Variants in CXCL13 observed in about 807,000 individuals in gnomAD.
CXCL13 encodes the protein C-X-C motif chemokine 13.
CXCL13 carries 7 observed loss-of-function variants against 12.2 expected under a neutral mutation model. The observed-to-expected ratio is 0.57, with a 90% CI of 0.33 to 1.07. The LOEUF is 1.07. Ranked by LOEUF, CXCL13 falls within the 50% of genes least tolerant of loss-of-function variation. The probability of loss-of-function intolerance (pLI) is 0.04; values close to 1 mark genes in which losing one functional copy is unlikely to be tolerated. For synonymous variants in CXCL13, 47 were observed against 42.4 expected, an observed-to-expected ratio of 1.11 and a Z score of -0.42; for missense variants, 113 against 127.4, an observed-to-expected ratio of 0.89 and a Z score of 0.55.
At chr4:77,563,106 G>T (rs1274207001) in intron 1 of CXCL13, among the ~76,000 whole-genome samples, 1 of 152,158 alleles carries the variant, frequency 6.6e-6, no homozygotes, top group Admixed American at 6.5e-5. Context: ...CCTGAGGCCA[G>T]TGAGACTAGA....
chr4:77,525,320 T>C (rs899864090), intron 1 of CXCL13, among the ~76,000 whole-genome samples: 4 of 152,234 alleles, frequency 2.6e-5, no homozygotes, highest in Non-Finnish European at 5.9e-5. Context: ...TAATTCTTTA[T>C]GTTTCCAGAA....
intron 1 of CXCL13, among the ~76,000 whole-genome samples, chr4:77,572,820 G>A (rs1726120168): frequency 1.3e-5 from 2 of 151,862 alleles, no homozygotes; most frequent in Non-Finnish European, 2.9e-5. Flanking sequence ...AATAGCAAAG[G>A]TAGGGAATCA....
chr4:77,575,147 G>A (rs979970387), intron 1 of CXCL13, among the ~76,000 whole-genome samples: 1 of 151,780 alleles, frequency 6.6e-6, no homozygotes, highest in Non-Finnish European at 1.5e-5. Flanking sequence ...TACTCTTAAG[G>A]CACTAATCAG....
At chr4:77,531,121 T>TATC (rs1724905448) in intron 1 of CXCL13, among the ~76,000 whole-genome samples, 1 of 148,386 alleles carries the variant, frequency 6.7e-6, no homozygotes, top group Non-Finnish European at 1.5e-5. Flanking sequence ...TTATTATTAT[T>TATC]ATTATTATTA....
intron 1 of CXCL13, among the ~76,000 whole-genome samples, chr4:77,521,632 G>T (rs1209422011): frequency 1.3e-5 from 2 of 151,582 alleles, no homozygotes; most frequent in Non-Finnish European, 2.9e-5. Flanking sequence ...CTTGCTAGTG[G>T]TTTCTCAATT....
chr4:77,563,600 C>A (rs1271634492), intron 1 of CXCL13, among the ~76,000 whole-genome samples: 2 of 152,104 alleles, frequency 1.3e-5, no homozygotes, highest in Non-Finnish European at 2.9e-5. Context: ...GAAAAGTGAA[C>A]AATTAACTTC....
intron 1 of CXCL13, among the ~76,000 whole-genome samples, chr4:77,557,634 A>G (rs1392614660): frequency 6.6e-6 from 1 of 152,184 alleles, no homozygotes; most frequent in Non-Finnish European, 1.5e-5. Flanking sequence ...GCTTCTGATG[A>G]GTAAGAACCA....
At chr4:77,609,763 T>G (rs1196276369) in intron 2 of CXCL13, among the ~76,000 whole-genome samples, 1 of 152,240 alleles carries the variant, frequency 6.6e-6, no homozygotes, top group Non-Finnish European at 1.5e-5. Context: ...TATCTGGCAC[T>G]TGGTAATCAC....
intron 1 of CXCL13, among the ~76,000 whole-genome samples, chr4:77,590,127 G>A (rs763609419): frequency 6.6e-6 from 1 of 152,118 alleles, no homozygotes; most frequent in Non-Finnish European, 1.5e-5. Flanking sequence ...TTTGTACTGC[G>A]TGGCTCCGGG....
At chr4:77,527,986 G>A (rs1456422925) in intron 1 of CXCL13, among the ~76,000 whole-genome samples, 4 of 151,780 alleles carry the variant, frequency 2.6e-5, no homozygotes, top group Non-Finnish European at 5.9e-5. Context: ...GTGTCCATGT[G>A]TTCTCATTGT....
chr4:77,556,238 G>A (rs1263313512), intron 1 of CXCL13, among the ~76,000 whole-genome samples: 6 of 152,160 alleles, frequency 3.9e-5, no homozygotes, highest in Non-Finnish European at 7.4e-5. Context: ...ACAAATTGTG[G>A]TATATCATTA....
intron 1 of CXCL13, among the ~76,000 whole-genome samples, chr4:77,565,213 A>T (rs1005248297): frequency 6.6e-6 from 1 of 152,224 alleles, no homozygotes; most frequent in African/African-American, 2.4e-5. Context: ...CAAAAAGAAG[A>T]TGAGGTTCTA....
At chr4:77,547,613 G>C (rs1725400907) in intron 1 of CXCL13, among the ~76,000 whole-genome samples, 1 of 151,442 alleles carries the variant, frequency 6.6e-6, no homozygotes, top group South Asian at 2.1e-4. Flanking sequence ...CCTTTATTTT[G>C]AGCTTATGTG....
chr4:77,531,098 TTTATTATTATTATTA>T (rs59478034), intron 1 of CXCL13, among the ~76,000 whole-genome samples: 50 of 144,344 alleles, frequency 3.5e-4, no homozygotes, highest in African/African-American at 1.1e-3. Flanking sequence ...AGTGAGTTTC[TTTATTATTATTATTA>T]TTATTATTAT....
chr4:77,534,828 A>G (rs1244979496), intron 1 of CXCL13, among the ~76,000 whole-genome samples: 1 of 152,210 alleles, frequency 6.6e-6, no homozygotes, highest in Non-Finnish European at 1.5e-5. Flanking sequence ...CTTTGCTTCT[A>G]CAATTCCATG....
In CXCL13 at chr4:77,515,211, C is replaced by T. The variant is rs200440272; in HGVS notation, c.-43+3423C>T. 6.6e-5 allele frequency among the ~76,000 whole-genome samples: 10 copies of T among 152,284 alleles called. 1 individual carries two copies. The highest frequency in any genetic ancestry group is 5.8e-4 in the East Asian group (3 of 5,194). On this transcript the variant is annotated intron_variant, in intron 1 of 4. Transcript: ENST00000286758. Reference sequence around the variant, plus strand: ...GCCATGCTGTTTTGGTTACTGTAGCCTTGTAGTATAGTTTGAAGTCAGGTA... The same window carrying T: ...GCCATGCTGTTTTGGTTACTGTAGCTTTGTAGTATAGTTTGAAGTCAGGTA...
At chr4:77,574,219 A>G (rs1399016022) in intron 1 of CXCL13, among the ~76,000 whole-genome samples, 1 of 151,810 alleles carries the variant, frequency 6.6e-6, no homozygotes, top group Non-Finnish European at 1.5e-5. Flanking sequence ...TATTTCCCCA[A>G]TCTGTCTTCT....
At chr4:77,553,383 A>C (rs1204925748) in intron 1 of CXCL13, among the ~76,000 whole-genome samples, 1 of 152,234 alleles carries the variant, frequency 6.6e-6, no homozygotes, top group Non-Finnish European at 1.5e-5. Context: ...CAGACTTTGT[A>C]TGTGCCTGGG....
chr4:77,535,409 C>T lies in CXCL13; in HGVS notation c.-43+23621C>T, dbSNP rs1015589862. Among the ~76,000 whole-genome samples, 36 of 152,222 alleles carry T rather than the reference C, an allele frequency of 2.4e-4. 1 individual carries two copies. Among genetic ancestry groups the T allele is most frequent in the Admixed American group, 1.4e-3 (21 of 15,274 alleles). ...ACTTAGTCCTCAAATCTCAATCTTG[C>T]GACCCATTGTATTTTCCAAAGATGA... On this transcript the variant is annotated intron_variant, in intron 1 of 4. Coordinates refer to the CXCL13 transcript ENST00000286758.
Sources: allele counts gnomAD v4.1 joint callset (sites outside exome capture counted in the v4.1 genomes callset), GRCh38; gene constraint gnomAD v4.1.1; transcripts MANE v1.5; gene names NCBI Gene and HGNC (gene_info 2026-07-23, HGNC 2026-07-21).